The following TAS2R1 variants were observed in gnomAD, a reference collection of about 807,000 sequenced individuals.
TAS2R1 encodes the protein taste 2 receptor member 1.
For missense variants in TAS2R1, 370 were observed against 353.4 expected (o/e 1.05, Z -0.38); for synonymous variants, 141 against 134.2 (o/e 1.05, Z -0.35).
the TAS2R1 span, among the ~76,000 whole-genome samples, chr5:9,758,852 T>C: frequency 6.6e-6 from 1 of 152,146 alleles, no homozygotes; most frequent in East Asian, 1.9e-4. Flanking sequence ...TAAACTAATA[T>C]AGAATAATTT....
At chr5:9,736,170 C>T in the TAS2R1 span, among the ~76,000 whole-genome samples, 4 of 152,354 alleles carry the variant, frequency 2.6e-5, no homozygotes, top group African/African-American at 9.6e-5. Flanking sequence ...TACTGAAACC[C>T]AAACCCCTGC....
the TAS2R1 span, among the ~76,000 whole-genome samples, chr5:9,776,445 G>A: frequency 2.6e-5 from 4 of 152,184 alleles, no homozygotes; most frequent in Non-Finnish European, 2.9e-5. Flanking sequence ...TTATGAAGGT[G>A]CTTTTTTGTG....
At chr5:9,754,464 C>T in the TAS2R1 span, among the ~76,000 whole-genome samples, 3 of 152,140 alleles carry the variant, frequency 2.0e-5, no homozygotes, top group Non-Finnish European at 4.4e-5. Context: ...TCAAATTGTC[C>T]CTGTTTGCAG....
At chr5:9,784,589 G>A in the TAS2R1 span, among the ~76,000 whole-genome samples, 1 of 152,326 alleles carries the variant, frequency 6.6e-6, no homozygotes, top group South Asian at 2.1e-4. Flanking sequence ...CTGAAAAGCA[G>A]GCCAGAGTAA....
the TAS2R1 span, among the ~76,000 whole-genome samples, chr5:9,756,158 C>A: frequency 6.6e-6 from 1 of 152,284 alleles, no homozygotes; most frequent in Non-Finnish European, 1.5e-5. Flanking sequence ...CACGAGGGAG[C>A]ATAAAGTAGT....
chr5:9,764,689 GA>G, the TAS2R1 span, among the ~76,000 whole-genome samples: 1 of 152,196 alleles, frequency 6.6e-6, no homozygotes, highest in African/African-American at 2.4e-5. Context: ...TCCTATAGCA[GA>G]GAAGCATTTT....
At chr5:9,744,517 G>A in the TAS2R1 span, among the ~76,000 whole-genome samples, 1 of 151,674 alleles carries the variant, frequency 6.6e-6, no homozygotes, top group Non-Finnish European at 1.5e-5. Flanking sequence ...ATGCCAGTAG[G>A]GGTTGAGAAA....
At chr5:9,879,736 C>G in the TAS2R1 span, among the ~76,000 whole-genome samples, 1 of 152,110 alleles carries the variant, frequency 6.6e-6, no homozygotes, top group African/African-American at 2.4e-5. Flanking sequence ...TAGAATATAC[C>G]AATGAGGCAT....
At chr5:9,849,852 C>T in the TAS2R1 span, among the ~76,000 whole-genome samples, 13 of 152,338 alleles carry the variant, frequency 8.5e-5, no homozygotes, top group South Asian at 4.1e-4. Context: ...CCATCTTCCT[C>T]TATACCTTTC....
the TAS2R1 span, among the ~76,000 whole-genome samples, chr5:9,830,121 AG>A: frequency 6.6e-6 from 1 of 152,292 alleles, no homozygotes; most frequent in African/African-American, 2.4e-5. Flanking sequence ...GTAGCTCTTA[AG>A]GGTACTAGGC....
chr5:9,848,709 C>A, the TAS2R1 span, among the ~76,000 whole-genome samples: 7 of 151,206 alleles, frequency 4.6e-5, no homozygotes, highest in East Asian at 1.4e-3. Context: ...TAAATTTATA[C>A]AATTTTTATT....
the TAS2R1 span, among the ~76,000 whole-genome samples, chr5:9,768,321 C>G: frequency 6.6e-6 from 1 of 152,148 alleles, no homozygotes; most frequent in Non-Finnish European, 1.5e-5. Context: ...ATTGTATTCA[C>G]AAAATCCCTC....
At chr5:9,860,365 T>G in the TAS2R1 span, among the ~76,000 whole-genome samples, 1 of 152,166 alleles carries the variant, frequency 6.6e-6, no homozygotes, top group African/African-American at 2.4e-5. Flanking sequence ...CCATTCTCCA[T>G]TTACCTTCCC....
intron 1 of TAS2R1, among the ~76,000 whole-genome samples, chr5:9,711,380 G>A (rs1197196941): frequency 6.6e-6 from 1 of 152,100 alleles, no homozygotes; most frequent in African/African-American, 2.4e-5. Context: ...GATGAACTTC[G>A]AGGACATTTT....
intron 2 of TAS2R1, among the ~76,000 whole-genome samples, chr5:9,643,732 G>A (rs906465898): frequency 3.9e-5 from 6 of 152,156 alleles, no homozygotes; most frequent in Admixed American, 2.0e-4. Flanking sequence ...TATGGTGCAC[G>A]ACTGTAGTAA....
At chr5:9,649,655 A>G (rs1172926692) in intron 2 of TAS2R1, among the ~76,000 whole-genome samples, 1 of 152,218 alleles carries the variant, frequency 6.6e-6, no homozygotes, top group Non-Finnish European at 1.5e-5. Context: ...TGCATGTTTT[A>G]GCAAATTGTT....
intron 1 of TAS2R1, among the ~76,000 whole-genome samples, chr5:9,704,915 G>A (rs1378032814): frequency 6.6e-6 from 1 of 152,200 alleles, no homozygotes; most frequent in East Asian, 1.9e-4. Context: ...TTTACTTCTA[G>A]CAATCTATCC....
chr5:9,816,442 T>G, the TAS2R1 span, among the ~76,000 whole-genome samples: 2 of 152,128 alleles, frequency 1.3e-5, no homozygotes, highest in African/African-American at 4.8e-5. Context: ...AATGAAAAAT[T>G]ACCAGGAATG....
the TAS2R1 span, among the ~76,000 whole-genome samples, chr5:9,751,837 T>G: frequency 2.0e-5 from 3 of 152,232 alleles, no homozygotes; most frequent in Non-Finnish European, 4.4e-5. Flanking sequence ...TGTCCTAAGG[T>G]ACCTAAACCA....
Sources: allele counts gnomAD v4.1 joint callset (sites outside exome capture counted in the v4.1 genomes callset), GRCh38; gene constraint gnomAD v4.1.1; transcripts MANE v1.5; gene names NCBI Gene and HGNC (gene_info 2026-07-23, HGNC 2026-07-21).